ZFHX3: variants seen among roughly 807,000 people sequenced by gnomAD.
ZFHX3 encodes zinc finger homeobox 3.
ZFHX3 carries 42 observed loss-of-function variants against 279.1 expected under a neutral mutation model. That is an observed-to-expected ratio of 0.15 (90% CI 0.12 to 0.19). The LOEUF (loss-of-function observed/expected upper bound fraction) is 0.19, where lower values mean the gene tolerates loss of function less well. Ranked by LOEUF, ZFHX3 falls within the 10% of genes least tolerant of loss-of-function variation. ZFHX3 has a pLI of 1.00. For synonymous variants in ZFHX3, 2,293 were observed against 1,957.8 expected (o/e 1.17, Z -4.52); for missense variants, 4,981 against 4,754.0 (o/e 1.05, Z -1.40).
At chr16:73,252,156 G>C (rs185457942) in intron 5 of ZFHX3, among the ~76,000 whole-genome samples, 4 of 152,292 alleles carry the variant, frequency 2.6e-5, no homozygotes, top group Admixed American at 2.6e-4. Flanking sequence ...GCAGGAAGCT[G>C]TTGAGTATAA....
At chr16:73,259,958 T>C (rs1157747329) in intron 4 of ZFHX3, among the ~76,000 whole-genome samples, 1 of 152,240 alleles carries the variant, frequency 6.6e-6, no homozygotes, top group Non-Finnish European at 1.5e-5. Flanking sequence ...TCAACTGCTT[T>C]ACTATTGTCC....
chr16:73,853,921 A>G (rs757870799), intron 1 of ZFHX3, among the ~76,000 whole-genome samples: 7 of 152,190 alleles, frequency 4.6e-5, no homozygotes, highest in African/African-American at 4.8e-5. Flanking sequence ...AGGTTCTCCT[A>G]TTATCACTTG....
At chr16:73,577,139 G>A (rs910230030) in intron 2 of ZFHX3, among the ~76,000 whole-genome samples, 1 of 152,140 alleles carries the variant, frequency 6.6e-6, no homozygotes, top group African/African-American at 2.4e-5. Flanking sequence ...GCAAAAACAT[G>A]TATTATTTAC....
At chr16:73,676,132 C>G (rs915765519) in intron 2 of ZFHX3, among the ~76,000 whole-genome samples, 1 of 151,728 alleles carries the variant, frequency 6.6e-6, no homozygotes, top group Non-Finnish European at 1.5e-5. Context: ...ACAGTGAAAC[C>G]AATTAAACAT....
At chr16:73,172,683 G>A (rs766430919) in intron 5 of ZFHX3, among the ~76,000 whole-genome samples, 65 of 152,212 alleles carry the variant, frequency 4.3e-4, no homozygotes, top group Non-Finnish European at 7.9e-4. Context: ...GTTTCTGTAA[G>A]TAGCCCGGAC....
chr16:73,437,620 C>G (rs896898918), intron 3 of ZFHX3, among the ~76,000 whole-genome samples: 1 of 152,120 alleles, frequency 6.6e-6, no homozygotes, highest in Non-Finnish European at 1.5e-5. Flanking sequence ...GACATTTCCC[C>G]CCATTACTTT....
chr16:73,771,364 C>G (rs1388712423), intron 1 of ZFHX3, among the ~76,000 whole-genome samples: 6 of 152,146 alleles, frequency 3.9e-5, no homozygotes, highest in Non-Finnish European at 7.3e-5. Context: ...CTGACTCAGC[C>G]TAACTCCCAC....
intron 2 of ZFHX3, among the ~76,000 whole-genome samples, chr16:73,481,685 G>A (rs2018872827): frequency 1.3e-5 from 2 of 151,906 alleles, no homozygotes; most frequent in South Asian, 4.2e-4. Flanking sequence ...TAGAGATAGG[G>A]TCTCACTATG....
At chr16:73,298,689 C>T (rs944949084) in intron 4 of ZFHX3, among the ~76,000 whole-genome samples, 3 of 152,210 alleles carry the variant, frequency 2.0e-5, no homozygotes, top group African/African-American at 7.2e-5. Flanking sequence ...CTCAGCAATG[C>T]GAACTGATGG....
intron 1 of ZFHX3, among the ~76,000 whole-genome samples, chr16:73,861,505 G>T (rs913129759): frequency 2.0e-5 from 3 of 152,114 alleles, no homozygotes; most frequent in Non-Finnish European, 4.4e-5. Context: ...TCATACCTCA[G>T]TTTCCTGGAA....
At chr16:73,624,323 G>A (rs1411691598) in intron 2 of ZFHX3, among the ~76,000 whole-genome samples, 1 of 152,182 alleles carries the variant, frequency 6.6e-6, no homozygotes, top group Admixed American at 6.5e-5. Context: ...CAAATAGGCT[G>A]ATTTCAAGCT....
chr16:72,998,221 T>C (rs938737310), intron 1 of ZFHX3, among the ~76,000 whole-genome samples: 2 of 152,064 alleles, frequency 1.3e-5, no homozygotes, highest in African/African-American at 4.8e-5. Context: ...GCCAACATGG[T>C]GAAACCCCAT....
intron 3 of ZFHX3, among the ~76,000 whole-genome samples, chr16:72,912,259 CATTA>C (rs1457393992): frequency 2.0e-5 from 3 of 152,182 alleles, no homozygotes; most frequent in African/African-American, 7.2e-5. Flanking sequence ...TTAACATCCT[CATTA>C]ATTATCTTGA....
At chr16:73,888,059 C>T (rs148164310) in intron 1 of ZFHX3, among the ~76,000 whole-genome samples, 1 of 152,262 alleles carries the variant, frequency 6.6e-6, no homozygotes, top group East Asian at 1.9e-4. Flanking sequence ...CCCCTCCTTT[C>T]CATCTGCATC....
At position 73,289,374 on chromosome 16, in the gene ZFHX3, T is replaced by C. The variant is rs116788962; in HGVS notation, c.-1194+28866A>G. Among the ~76,000 whole-genome samples the C allele has an allele frequency of 6.3e-3, 959 of 152,124 alleles. 10 individuals carry two copies. Among genetic ancestry groups the C allele is most frequent in the African/African-American group, 0.021 (885 of 41,498 alleles). ...GTGGTTCCCTCATTAGCAATTACTC[T>C]ACCCTTTTGGTGGGGATGTAAGAGG... On this transcript the variant is annotated intron_variant, in intron 4 of 17. Coordinates refer to the ZFHX3 transcript ENST00000641206.
At chr16:73,657,674 GA>G (rs2052736729) in intron 2 of ZFHX3, among the ~76,000 whole-genome samples, 1 of 151,950 alleles carries the variant, frequency 6.6e-6, no homozygotes, top group Non-Finnish European at 1.5e-5. Context: ...TGCCTATTCT[GA>G]ACATTTAATG....
chr16:73,768,970 T>C (rs1212600735), intron 1 of ZFHX3, among the ~76,000 whole-genome samples: 1 of 152,162 alleles, frequency 6.6e-6, no homozygotes, highest in Non-Finnish European at 1.5e-5. Context: ...AGTTTGAAGT[T>C]CAGATAAACA....
intron 6 of ZFHX3, among the ~76,000 whole-genome samples, chr16:73,132,183 G>A (rs773215826): frequency 2.6e-5 from 4 of 152,152 alleles, no homozygotes; most frequent in Non-Finnish European, 4.4e-5. Flanking sequence ...TACTCCGGAG[G>A]CTGATGTCAG....
intron 1 of ZFHX3, among the ~76,000 whole-genome samples, chr16:73,007,358 G>A (rs1963746833): frequency 6.6e-6 from 1 of 152,180 alleles, no homozygotes; most frequent in East Asian, 1.9e-4. Flanking sequence ...CTGAAACAGT[G>A]TATTTAGCAG....
Sources: gnomAD v4.1 joint callset for allele counts (sites outside exome capture counted in the v4.1 genomes callset) on GRCh38, gnomAD v4.1.1 for gene constraint, MANE v1.5 for transcripts, NCBI Gene and HGNC (gene_info 2026-07-23, HGNC 2026-07-21) for gene names.